The following AHDC1 variants were observed in gnomAD, a reference collection of about 807,000 sequenced individuals.
The protein encoded by AHDC1 is AT-hook DNA binding motif containing 1, also known as transcription factor Gibbin.
AHDC1 carries 7 observed loss-of-function variants against 87.9 expected under a neutral mutation model. The ratio of observed to expected loss-of-function variants is 0.08; its 90% CI spans 0.05 to 0.15. The LOEUF is 0.15. Ranked by LOEUF, AHDC1 falls within the 10% of genes least tolerant of loss-of-function variation. AHDC1 has a pLI of 1.00. For synonymous variants in AHDC1, 1,051 were observed against 1,006.8 expected (o/e 1.04, Z -0.83); for missense variants, 1,841 against 2,253.2 (o/e 0.82, Z 3.70).
chr1:27,582,350 C>G (rs1187630843), intron 3 of AHDC1, among the ~76,000 whole-genome samples: 1 of 152,252 alleles, frequency 6.6e-6, no homozygotes, highest in Admixed American at 6.5e-5. Context: ...TCACTTGATT[C>G]TCACAAGGAA....
At chr1:27,541,159 C>A (rs978251762) in intron 8 of AHDC1, among the ~76,000 whole-genome samples, 1 of 151,976 alleles carries the variant, frequency 6.6e-6, no homozygotes, top group Non-Finnish European at 1.5e-5. Context: ...GCTAAAGCCT[C>A]TGAAGTCTCA....
intron 8 of AHDC1, among the ~76,000 whole-genome samples, chr1:27,544,757 G>A (rs1022228631): frequency 3.9e-5 from 6 of 152,162 alleles, no homozygotes; most frequent in East Asian, 1.9e-4. Flanking sequence ...GGGGGCAGCC[G>A]TCCCACCACC....
intron 3 of AHDC1, among the ~76,000 whole-genome samples, chr1:27,584,209 C>G (rs563991815): frequency 1.3e-5 from 2 of 152,318 alleles, no homozygotes; most frequent in African/African-American, 4.8e-5. Flanking sequence ...AAAGTCGGGA[C>G]GCTCACTGCC....
intron 8 of AHDC1, among the ~76,000 whole-genome samples, chr1:27,540,441 G>A (rs568303092): frequency 6.8e-4 from 104 of 151,934 alleles, no homozygotes; most frequent in Non-Finnish European, 1.2e-3. Flanking sequence ...CAGGCATGAT[G>A]AGACACTGGG....
chr1:27,592,506 C>T (rs1212444605), intron 3 of AHDC1, among the ~76,000 whole-genome samples: 2 of 152,196 alleles, frequency 1.3e-5, no homozygotes, highest in Non-Finnish European at 2.9e-5. Flanking sequence ...CCCACTTCAG[C>T]TCGGCATCCT....
rs1260511992 is a variant in AHDC1, at chr1:27,566,799, C to A, written c.-628-7916G>T. On this transcript the variant is annotated intron_variant, in intron 3 of 8. Transcript: ENST00000673934. ...GCATCGGCTCTGGTTTCAGCTGGGG[C>A]AGTTGGCTGCTAGGGTGGGGGGAAG... 5.4e-5 allele frequency among the ~76,000 whole-genome samples: 6 copies of A among 111,822 alleles called. No homozygotes were observed. The Admixed American group carries it at 6.9e-4, about 13-fold the overall frequency. 73.4% of individuals were successfully genotyped at this position (111,822 alleles called of 152,430 possible).
At position 27,547,405 on chromosome 1, in the gene AHDC1, G is replaced by A. The variant is rs763976609; in HGVS notation, c.4711C>T (p.Pro1571Ser). 7.0e-6 allele frequency: 11 copies of A among 1,571,714 alleles called. No individual in the cohort carries two copies. Among genetic ancestry groups the A allele is most frequent in the Non-Finnish European group, 8.7e-6 (10 of 1,155,480 alleles). ...CCACCCAGGCCAGGATGCGCCTGGG[G>A]CATAAAGCCTGGGTACCTGTAGGCG... Reference protein sequence around the residue: ...DTAYRYPGFMPQAHPGLGGGP... With the variant: ...DTAYRYPGFMSQAHPGLGGGP... The change falls in exon 8 of 9, where the codon CCC (proline) becomes TCC (serine). Residue 1571 changes from proline to serine, a missense_variant. Coordinates refer to ENST00000673934, the MANE Select transcript of AHDC1 (RefSeq NM_001371928.1). This position sits in a 1 kb window ranked among gnomAD's most constrained non-coding sequence, Gnocchi z 4.9.
In AHDC1 at chr1:27,547,694, G is replaced by T; in HGVS notation, c.4422C>A (p.Ala1474=). ...CCTTGCCTTCATAGGGCGGGCTGCGGGCAGCTGAGCCTGGAGGGTACCAAT... is the reference window on the plus strand; with the variant it reads ...CCTTGCCTTCATAGGGCGGGCTGCGTGCAGCTGAGCCTGGAGGGTACCAAT... The part of the protein sequence containing the change: ...TAYWYPPGSA[A]RSPPYEGKVG... Residue 1474 remains alanine, a synonymous_variant, in exon 8 of 9, where the codon GCC becomes GCA. Coordinates refer to ENST00000673934, the MANE Select transcript of AHDC1 (RefSeq NM_001371928.1). This position sits in a 1 kb window ranked among gnomAD's most constrained non-coding sequence, Gnocchi z 4.9. The T allele has an allele frequency of 6.3e-7, 1 of 1,596,072 alleles. No homozygotes were observed. Among genetic ancestry groups the T allele is most frequent in the Non-Finnish European group, 8.6e-7 (1 of 1,169,498 alleles).
chr1:27,573,227 A>C (rs1246024350), intron 3 of AHDC1, among the ~76,000 whole-genome samples: 1 of 152,232 alleles, frequency 6.6e-6, no homozygotes, highest in East Asian at 1.9e-4. Flanking sequence ...ACAGGCTTGG[A>C]GCCTGTCAGA....
In AHDC1 at chr1:27,565,586, A is replaced by G. The variant is rs997097811; in HGVS notation, c.-628-6703T>C. Among the ~76,000 whole-genome samples, 11 of 152,178 alleles carry G rather than the reference A, an allele frequency of 7.2e-5. No homozygotes were observed. The South Asian group carries it at 2.1e-3, about 29-fold the overall frequency. Reference sequence around the variant, plus strand: ...CCGGCGCTGGTGAGCAAGGGGCGGGAGTCACTCTAGTCTTTCCTTGTTCCT... The same window carrying G: ...CCGGCGCTGGTGAGCAAGGGGCGGGGGTCACTCTAGTCTTTCCTTGTTCCT... On this transcript the variant is annotated intron_variant, in intron 3 of 8. Transcript: ENST00000673934. This position sits in a 1 kb window ranked among gnomAD's most constrained non-coding sequence, Gnocchi z 4.6.
At chr1:27,574,814 G>C (rs2088658971) in intron 3 of AHDC1, among the ~76,000 whole-genome samples, 1 of 152,160 alleles carries the variant, frequency 6.6e-6, no homozygotes, top group South Asian at 2.1e-4. Context: ...CCTTCCCCAA[G>C]CCATAGTGCC....
At chr1:27,591,480 C>A (rs2089220141) in intron 3 of AHDC1, among the ~76,000 whole-genome samples, 1 of 152,192 alleles carries the variant, frequency 6.6e-6, no homozygotes. Context: ...TTCGGCTCAC[C>A]CCCCTTAGCA....
chr1:27,546,253 C>T (rs1009690638), intron 8 of AHDC1, among the ~76,000 whole-genome samples: 2 of 152,164 alleles, frequency 1.3e-5, no homozygotes. Context: ...GGCTGTATTT[C>T]GGGAGCAGGC....
chr1:27,562,224 G>A lies in AHDC1; in HGVS notation c.-628-3341C>T, dbSNP rs2020118918. Among the ~76,000 whole-genome samples, 1 of 152,042 alleles carries A rather than the reference G, an allele frequency of 6.6e-6. No individual in the cohort carries two copies. Among genetic ancestry groups the A allele is most frequent in the African/African-American group, 2.4e-5 (1 of 41,390 alleles). ...GCGCCCAAGCTGGCTCGGCGGGGGC[G>A]GCCAGTGCGCCAAGCCTCCCGCCTC... On this transcript the variant is annotated intron_variant, in intron 3 of 8. Coordinates refer to ENST00000673934, the MANE Select transcript of AHDC1 (RefSeq NM_001371928.1). The surrounding 1 kb of genome is among the most constrained non-coding windows in gnomAD (Gnocchi z 4.4).
rs775787811 is a variant in AHDC1, at chr1:27,549,989, G to A, written c.2127C>T (p.Ala709=). The A allele has an allele frequency of 4.6e-5, 73 of 1,600,928 alleles. No homozygotes were observed. Among genetic ancestry groups the A allele is most frequent in the Non-Finnish European group, 5.4e-5 (63 of 1,171,872 alleles). The change falls in exon 8 of 9, where the codon GCC becomes GCT. Residue 709 remains alanine (A), a synonymous_variant. Coordinates refer to ENST00000673934, the MANE Select transcript of AHDC1 (RefSeq NM_001371928.1). ...GKKKKVVAVA[A]AGVGGPGLTE... is the part of the protein sequence containing the mutation. ...TAAGGCCCGGGCCCCCGACCCCAGC[G>A]GCTGCCACGGCCACCACCTTCTTTT... is the stretch of plus-strand genomic sequence containing the variant.
chr1:27,547,034 CG>C lies in AHDC1; in HGVS notation c.*43+226del, dbSNP rs1003829523. ...GCCATTTCAATTCACAAGACCCCCC[CG>C]AACGTTCAAGCCCCCTGCTGAGTTC... On this transcript the variant is annotated intron_variant, in intron 8 of 8. Transcript: ENST00000673934. The surrounding 1 kb of genome is among the most constrained non-coding windows in gnomAD (Gnocchi z 4.9). 1.3e-5 allele frequency among the ~76,000 whole-genome samples: 2 copies of C among 151,892 alleles called. No individual in the cohort carries two copies. The highest frequency in any genetic ancestry group is 4.8e-5 in the African/African-American group (2 of 41,308).
intron 8 of AHDC1, among the ~76,000 whole-genome samples, chr1:27,536,403 G>A (rs935981532): frequency 2.9e-4 from 44 of 152,326 alleles, no homozygotes; most frequent in African/African-American, 1.0e-3. Context: ...AAGCTGTCAG[G>A]TTGCCTGCAG....
chr1:27,550,496 G>C lies in AHDC1; in HGVS notation c.1620C>G (p.Pro540=), dbSNP rs375899533. The change falls in exon 8 of 9, where the codon CCC becomes CCG. Residue 540 remains proline, a synonymous_variant. Transcript: ENST00000673934. ...GGCCGCGCTTACGTTTGAGAATAAT[G>C]GGCATCTCACCGGGTGGGAAGACCA... is the stretch of plus-strand genomic sequence containing the variant. The part of the protein sequence containing the change: ...VVVVFPPGEM[P]IILKRKRGRP... The C allele has an allele frequency of 3.1e-6, 5 of 1,607,188 alleles. No homozygotes were observed. The African/African-American group carries it at 6.7e-5, about 21-fold the overall frequency.
rs1327009877 is a variant in AHDC1 at position 27,604,119 on chromosome 1, T to TCTC, written c.-879_-877dup. ...CGCCCTGCCTGCCTGCCTCTCTCCGTCTCCGCCGCCGCCGCCGCTGCCTCT... is the reference window on the plus strand; with the variant it reads ...CGCCCTGCCTGCCTGCCTCTCTCCGTCTCCTCCGCCGCCGCCGCCGCTGCCTCT... On this transcript the variant is annotated 5_prime_UTR_variant, in exon 1 of 9. Coordinates refer to ENST00000673934, the MANE Select transcript of AHDC1 (RefSeq NM_001371928.1). The TCTC allele has an allele frequency of 1.9e-5, 3 of 156,078 alleles. No homozygotes were observed. Among genetic ancestry groups the TCTC allele is most frequent in the African/African-American group, 7.3e-5 (3 of 41,334 alleles). The allele number at this position is 156,078 out of a possible 1,614,324, so 9.7% of individuals were successfully genotyped here.
Sources: allele counts gnomAD v4.1 joint callset (sites outside exome capture counted in the v4.1 genomes callset), GRCh38; gene constraint gnomAD v4.1.1; non-coding constraint Gnocchi (gnomAD v3.1); transcripts MANE v1.5; gene names NCBI Gene and HGNC (gene_info 2026-07-23, HGNC 2026-07-21).